Variants in PCDH9 observed in about 807,000 individuals in gnomAD.
PCDH9 encodes protocadherin 9, also known as protocadherin-9.
A neutral mutation model predicts 70.6 loss-of-function variants in PCDH9; 24 were observed. That is an observed-to-expected ratio of 0.34 (90% CI 0.25 to 0.48). The LOEUF (loss-of-function observed/expected upper bound fraction) is 0.48, where lower values mean the gene tolerates loss of function less well. Ranked by LOEUF, PCDH9 falls within the 20% of genes least tolerant of loss-of-function variation. The pLI is 0.99. For missense variants in PCDH9, 1,281 were observed against 1,503.6 expected (o/e 0.85, Z 2.45); for synonymous variants, 562 against 558.5 (o/e 1.01, Z -0.09).
chr13:67,157,086 G>T (rs955168568), intron 2 of PCDH9, among the ~76,000 whole-genome samples: 6 of 151,672 alleles, frequency 4.0e-5, no homozygotes, highest in African/African-American at 1.5e-4. Context: ...TTATCTTTTC[G>T]GTAATCCCCT....
At chr13:67,183,418 A>G (rs2088667849) in intron 2 of PCDH9, among the ~76,000 whole-genome samples, 1 of 152,182 alleles carries the variant, frequency 6.6e-6, no homozygotes, top group African/African-American at 2.4e-5. Flanking sequence ...TTTTGAATCT[A>G]TAACTTCAAA....
intron 3 of PCDH9, among the ~76,000 whole-genome samples, chr13:66,773,609 G>A (rs371218343): frequency 8.0e-5 from 12 of 150,320 alleles, no homozygotes; most frequent in Non-Finnish European, 1.0e-4. Context: ...CAGCCTGGGC[G>A]ACAGAGCCAG....
intron 3 of PCDH9, among the ~76,000 whole-genome samples, chr13:66,836,650 T>C (rs2081024909): frequency 6.6e-6 from 1 of 152,160 alleles, no homozygotes; most frequent in Admixed American, 6.5e-5. Context: ...AAACCAGAAA[T>C]GCCATTTTCC....
intron 4 of PCDH9, among the ~76,000 whole-genome samples, chr13:66,469,207 T>C (rs1046907707): frequency 2.0e-5 from 3 of 152,112 alleles, no homozygotes; most frequent in African/African-American, 7.2e-5. Flanking sequence ...AATAACTAGA[T>C]ATGCAGTTAG....
At chr13:66,882,298 C>T (rs1023985679) in intron 3 of PCDH9, among the ~76,000 whole-genome samples, 3 of 152,244 alleles carry the variant, frequency 2.0e-5, no homozygotes, top group Admixed American at 6.5e-5. Flanking sequence ...ACTTCTCCTC[C>T]ATAAATAATA....
intron 3 of PCDH9, among the ~76,000 whole-genome samples, chr13:66,788,629 G>C (rs549005549): frequency 8.7e-5 from 13 of 149,096 alleles, no homozygotes; most frequent in African/African-American, 3.0e-4. Flanking sequence ...CATCTCCCAG[G>C]GTACAAAGCT....
At chr13:66,539,948 C>G (rs1960879465) in intron 4 of PCDH9, among the ~76,000 whole-genome samples, 2 of 145,198 alleles carry the variant, frequency 1.4e-5, no homozygotes, top group Non-Finnish European at 3.0e-5. Context: ...AAGCTCACTG[C>G]AGCCTTGACT....
intron 2 of PCDH9, among the ~76,000 whole-genome samples, chr13:67,067,924 A>G (rs1309765809): frequency 6.6e-6 from 1 of 152,142 alleles, no homozygotes; most frequent in Non-Finnish European, 1.5e-5. Context: ...TAGGTCACTC[A>G]AAGTTCATAA....
chr13:66,775,892 T>C (rs954167251), intron 3 of PCDH9, among the ~76,000 whole-genome samples: 2 of 152,022 alleles, frequency 1.3e-5, no homozygotes, highest in Non-Finnish European at 2.9e-5. Flanking sequence ...GACTGACAAA[T>C]GGGAATAGAT....
intron 4 of PCDH9, among the ~76,000 whole-genome samples, chr13:66,500,701 C>T (rs1959172627): frequency 6.6e-6 from 1 of 152,062 alleles, no homozygotes; most frequent in Admixed American, 6.6e-5. Context: ...GATTAATTCA[C>T]TTACAAGAAA....
At chr13:66,626,951 C>CTGTGTGTGTGTG (rs10559380) in intron 4 of PCDH9, among the ~76,000 whole-genome samples, 2,714 of 147,466 alleles carry the variant, frequency 0.018, 27 homozygotes, top group Middle Eastern at 0.041. Flanking sequence ...TCAAATGCCA[C>CTGTGTGTGTGTG]TGTGTGTGTG....
intron 4 of PCDH9, among the ~76,000 whole-genome samples, chr13:66,405,031 C>T (rs1186296542): frequency 2.0e-5 from 3 of 152,096 alleles, no homozygotes; most frequent in Non-Finnish European, 4.4e-5. Flanking sequence ...ATCACAGACA[C>T]CTGATAAAGA....
At chr13:66,625,552 A>G (rs1029838394) in intron 4 of PCDH9, among the ~76,000 whole-genome samples, 2 of 152,092 alleles carry the variant, frequency 1.3e-5, no homozygotes. Context: ...AATTTTACAC[A>G]ATTATTTTTG....
intron 4 of PCDH9, among the ~76,000 whole-genome samples, chr13:66,610,667 T>A (rs1358873500): frequency 6.6e-6 from 1 of 152,118 alleles, no homozygotes; most frequent in Non-Finnish European, 1.5e-5. Flanking sequence ...TACTGAAGAG[T>A]TACTGTTAGG....
chr13:67,201,626 T>C (rs1258612795), intron 2 of PCDH9: 1 of 152,036 alleles, frequency 6.6e-6, no homozygotes, highest in Non-Finnish European at 1.5e-5. Flanking sequence ...ACCTAGTTCT[T>C]GAGCCAATTT....
At chr13:66,415,915 TA>T (rs911066708) in intron 4 of PCDH9, among the ~76,000 whole-genome samples, 5 of 151,860 alleles carry the variant, frequency 3.3e-5, no homozygotes, top group East Asian at 3.9e-4. Flanking sequence ...TTTTTAAAAA[TA>T]AAAAAAAGGT....
intron 3 of PCDH9, among the ~76,000 whole-genome samples, chr13:66,653,696 G>C (rs751933801): frequency 2.6e-5 from 4 of 151,996 alleles, no homozygotes; most frequent in Non-Finnish European, 5.9e-5. Context: ...CGCCGGGCAC[G>C]GTGGCTCATG....
At chr13:66,480,199 A>G (rs942469491) in intron 4 of PCDH9, among the ~76,000 whole-genome samples, 5 of 151,976 alleles carry the variant, frequency 3.3e-5, no homozygotes, top group African/African-American at 1.2e-4. Flanking sequence ...GGAGGAAGGA[A>G]CTGCAGATGT....
intron 3 of PCDH9, among the ~76,000 whole-genome samples, chr13:66,873,932 C>CTTTTTTTTTTTTTTT (rs2081746485): frequency 3.1e-5 from 3 of 97,470 alleles, no homozygotes; most frequent in Admixed American, 1.1e-4. Flanking sequence ...TTTTTTTTTT[C>CTTTTTTTTTTTTTTT]TTTCTTTCTT....
Sources: gnomAD v4.1 joint callset for allele counts (sites outside exome capture counted in the v4.1 genomes callset) on GRCh38, gnomAD v4.1.1 for gene constraint, MANE v1.5 for transcripts, NCBI Gene and HGNC (gene_info 2026-07-23, HGNC 2026-07-21) for gene names.